Variants in MAP4K4 observed in about 807,000 individuals in gnomAD.
The protein encoded by MAP4K4 is HPK/GCK-like kinase HGK.
Under a neutral mutation model 189.6 loss-of-function variants are expected in MAP4K4, and 38 were observed. The observed-to-expected ratio is 0.20, with a 90% CI of 0.15 to 0.26. The LOEUF (loss-of-function observed/expected upper bound fraction) is 0.26, where lower values mean the gene tolerates loss of function less well. Ranked by LOEUF, MAP4K4 falls within the 10% of genes least tolerant of loss-of-function variation. The probability of loss-of-function intolerance (pLI) is 1.00; values close to 1 mark genes in which losing one functional copy is unlikely to be tolerated. For missense variants in MAP4K4, 1,054 were observed against 1,726.9 expected, an observed-to-expected ratio of 0.61 and a Z score of 6.91; for synonymous variants, 610 against 624.3, an observed-to-expected ratio of 0.98 and a Z score of 0.34.
intron 3 of MAP4K4, among the ~76,000 whole-genome samples, chr2:101,808,566 A>G (rs2095187455): frequency 7.6e-6 from 1 of 132,356 alleles, no homozygotes; most frequent in Non-Finnish European, 1.6e-5. Flanking sequence ...CCCGTTTAGT[A>G]TACCTACGGT....
At chr2:101,871,863 C>T (rs1198417991) in intron 24 of MAP4K4, among the ~76,000 whole-genome samples, 178 bp downstream of exon 24, 1 of 152,178 alleles carries the variant, frequency 6.6e-6, no homozygotes, top group Non-Finnish European at 1.5e-5. Flanking sequence ...ATATAAACCC[C>T]TTAACCCTAG....
intron 2 of MAP4K4, among the ~76,000 whole-genome samples, chr2:101,760,263 G>A (rs922942638): frequency 1.3e-5 from 2 of 152,026 alleles, no homozygotes; most frequent in Non-Finnish European, 2.9e-5. Context: ...GGCCAAGGCA[G>A]GAGGATCACG....
At chr2:101,859,615 A>T in intron 14 of MAP4K4, 28 bp from the exon 15 acceptor site, 2 of 1,529,588 alleles carry the variant, frequency 1.3e-6, no homozygotes, top group Non-Finnish European at 1.8e-6. Flanking sequence ...TGTCCCATAG[A>T]TTTAGTGTTA....
intron 2 of MAP4K4, among the ~76,000 whole-genome samples, chr2:101,757,715 G>T (rs2073617782): frequency 6.6e-6 from 1 of 152,122 alleles, no homozygotes; most frequent in African/African-American, 2.4e-5. Flanking sequence ...AACAACAAAA[G>T]CTAATAATAA....
At chr2:101,792,447 G>A (rs2093035392) in intron 3 of MAP4K4, among the ~76,000 whole-genome samples, 1 of 152,070 alleles carries the variant, frequency 6.6e-6, no homozygotes, top group South Asian at 2.1e-4. Flanking sequence ...TCTAAATGTG[G>A]TTTGCCTTCT....
At chr2:101,855,229 G>A (rs1393588620) in intron 12 of MAP4K4, among the ~76,000 whole-genome samples, 1 of 152,194 alleles carries the variant, frequency 6.6e-6, no homozygotes, top group African/African-American at 2.4e-5. Flanking sequence ...GGTAGAGGGT[G>A]GTTAAGAGTA....
At chr2:101,817,622 G>T (rs1360688992) in intron 3 of MAP4K4, among the ~76,000 whole-genome samples, 1 of 152,202 alleles carries the variant, frequency 6.6e-6, no homozygotes, top group Non-Finnish European at 1.5e-5. Flanking sequence ...AGATGGAGGG[G>T]ATCCAGAGGG....
chr2:101,711,300 A>C (rs1470031299), intron 2 of MAP4K4, among the ~76,000 whole-genome samples: 1 of 152,014 alleles, frequency 6.6e-6, no homozygotes, highest in Non-Finnish European at 1.5e-5. Flanking sequence ...TAAAAGATAA[A>C]GTTTTTTTGC....
chr2:101,864,980 C>T, exon 18 of MAP4K4: 2 of 1,580,386 alleles, frequency 1.3e-6, no homozygotes, highest in Non-Finnish European at 8.6e-7. Flanking sequence ...GTCGAGATTC[C>T]CCACTGCAGG....
chr2:101,709,771 C>A (rs1011208584), intron 2 of MAP4K4, among the ~76,000 whole-genome samples: 12 of 151,950 alleles, frequency 7.9e-5, no homozygotes, highest in Admixed American at 6.6e-4. Flanking sequence ...AGGATGTATC[C>A]CAAGTTAAAT....
exon 12 of MAP4K4, chr2:101,844,221 C>T (rs2097016185): frequency 6.3e-7 from 1 of 1,599,588 alleles, no homozygotes; most frequent in Non-Finnish European, 8.5e-7. Context: ...AGCAACAGCT[C>T]CGGGAGCAGG....
rs376439845 is a variant in MAP4K4 at position 101,878,371 on chromosome 2, C to G, written c.3385+1225C>G. Among the ~76,000 whole-genome samples the G allele has an allele frequency of 2.7e-4, 41 of 152,334 alleles. 2 individuals carry two copies. The East Asian group carries it at 6.0e-3, about 22-fold the overall frequency. On this transcript the variant is annotated intron_variant, in intron 27 of 32. Transcript: ENST00000324219. ...GTCAGCATCCCTGTTCCTCCCATATCTACCTGTCCATGGCAACCTCTTTCC... is the reference window on the plus strand; with the variant it reads ...GTCAGCATCCCTGTTCCTCCCATATGTACCTGTCCATGGCAACCTCTTTCC...
At chr2:101,697,996 C>A in exon 1 of MAP4K4, 3 of 932,982 alleles carry the variant, frequency 3.2e-6, no homozygotes, top group Non-Finnish European at 4.3e-6. Context: ...GCGAGGAGCG[C>A]GGTCGGCGGC....
intron 2 of MAP4K4, among the ~76,000 whole-genome samples, chr2:101,728,461 A>G (rs1036136081): frequency 1.3e-5 from 2 of 152,154 alleles, no homozygotes; most frequent in Admixed American, 6.6e-5. Flanking sequence ...TCAAACCTAT[A>G]GTAAAGTTGA....
chr2:101,737,459 ATATTTTTTTTTTTTT>A (rs2060859218), intron 2 of MAP4K4, among the ~76,000 whole-genome samples: 2 of 31,626 alleles, frequency 6.3e-5, no homozygotes, highest in African/African-American at 3.5e-4. Context: ...ATATATATAT[ATATTTTTTTTTTTTT>A]TTTTTTTTTT....
intron 24 of MAP4K4, 127 bp downstream of exon 24, chr2:101,871,812 T>C: frequency 1.2e-6 from 1 of 821,572 alleles, no homozygotes; most frequent in South Asian, 1.8e-5. Context: ...CTCTGTCACC[T>C]ACCCTTCTCC....
Position 101,833,742 on chromosome 2 carries a change from T to C in MAP4K4, c.640-667T>C, listed in dbSNP as rs371175644. ...AAAATGACTGCTTTCATGGAACTTA[T>C]ATTTGAGTAGAAAGTAAAGTTTAAT... On this transcript the variant is annotated intron_variant, in intron 7 of 32. Coordinates refer to ENST00000324219, the Ensembl canonical transcript of MAP4K4. 7.2e-5 allele frequency among the ~76,000 whole-genome samples: 11 copies of C among 152,340 alleles called. No individual in the cohort carries two copies. The South Asian group carries it at 1.9e-3, about 26-fold the overall frequency.
intron 3 of MAP4K4, 66 bp downstream of exon 3, chr2:101,790,842 CAG>C: frequency 7.7e-7 from 1 of 1,301,752 alleles, no homozygotes; most frequent in Non-Finnish European, 1.1e-6. Flanking sequence ...CCCAACAACA[CAG>C]AGTATTACTC....
At chr2:101,891,166 G>A in exon 33 of MAP4K4, 3 of 1,613,366 alleles carry the variant, frequency 1.9e-6, no homozygotes, top group Non-Finnish European at 1.7e-6. Context: ...GCTTTTGCAG[G>A]TGTTCTTTGC....
Sources: allele counts gnomAD v4.1 joint callset (sites outside exome capture counted in the v4.1 genomes callset), GRCh38; gene constraint gnomAD v4.1.1; transcripts MANE v1.5; gene names NCBI Gene and HGNC (gene_info 2026-07-23, HGNC 2026-07-21).